Variants in GALNT18 observed in about 807,000 individuals in gnomAD.
GALNT18 encodes GalNAc-transferase 18.
GALNT18 carries 44 observed loss-of-function variants against 69.5 expected under a neutral mutation model. The ratio of observed to expected loss-of-function variants is 0.63; its 90% CI spans 0.50 to 0.81. The LOEUF is 0.81. Ranked by LOEUF, GALNT18 falls within the 40% of genes least tolerant of loss-of-function variation. The pLI, the probability that GALNT18 is intolerant of heterozygous loss-of-function variation, is 0.00. For missense variants in GALNT18, 715 were observed against 810.0 expected (o/e 0.88, Z 1.42); for synonymous variants, 364 against 318.2 (o/e 1.14, Z -1.53).
At position 11,522,095 on chromosome 11, in the gene GALNT18, T is replaced by TAGGAAGGA. The variant is rs759180837; in HGVS notation, c.236-73167_236-73160dup. ...GGGGCGGGATGACTTCTACCCACCC[T>TAGGAAGGA]AGGAAGGAAGGAAGGAAGGAAGGCC... On this transcript the variant is annotated intron_variant, in intron 1 of 10. Coordinates refer to ENST00000227756, the MANE Select transcript of GALNT18 (RefSeq NM_198516.3). Among the ~76,000 whole-genome samples, 16 of 152,114 alleles carry TAGGAAGGA rather than the reference T, an allele frequency of 1.1e-4. No homozygotes were observed. The East Asian group carries it at 1.9e-3, about 18-fold the overall frequency.
rs537197987 is a variant in GALNT18, at chr11:11,432,436, T to G, written c.595+185A>C. Among the ~76,000 whole-genome samples the G allele has an allele frequency of 2.8e-3, 432 of 152,260 alleles. 1 individual carries two copies. Among genetic ancestry groups the G allele is most frequent in the African/African-American group, 9.7e-3 (403 of 41,544 alleles). Reference sequence around the variant, plus strand: ...GCCTAAGGACCAGACCCCTCTGGGATGCAGAGGCCATGCTCAGACGGAGTG... The same window carrying G: ...GCCTAAGGACCAGACCCCTCTGGGAGGCAGAGGCCATGCTCAGACGGAGTG... On this transcript the variant is annotated intron_variant, in intron 3 of 10. Coordinates refer to ENST00000227756, the MANE Select transcript of GALNT18 (RefSeq NM_198516.3). The surrounding 1 kb of genome is among the most constrained non-coding windows in gnomAD (Gnocchi z 5.8).
intron 1 of GALNT18, among the ~76,000 whole-genome samples, chr11:11,462,944 C>T (rs1157525100): frequency 6.6e-6 from 1 of 152,166 alleles, no homozygotes; most frequent in Non-Finnish European, 1.5e-5. Context: ...AGAGCCTGAG[C>T]CCTGGGCACA....
At chr11:11,550,289 C>A (rs1021525825) in intron 1 of GALNT18, among the ~76,000 whole-genome samples, 1 of 152,206 alleles carries the variant, frequency 6.6e-6, no homozygotes, top group African/African-American at 2.4e-5. Context: ...GTTGCTAACA[C>A]CTCTTCCCCA....
chr11:11,326,198 C>A (rs1355573103), intron 9 of GALNT18, among the ~76,000 whole-genome samples: 1 of 152,028 alleles, frequency 6.6e-6, no homozygotes, highest in African/African-American at 2.4e-5. Context: ...GCGCCCGCCA[C>A]CACACCTGGC....
At chr11:11,612,145 C>A (rs1344716165) in intron 1 of GALNT18, among the ~76,000 whole-genome samples, 1 of 150,856 alleles carries the variant, frequency 6.6e-6, no homozygotes, top group Admixed American at 6.6e-5. Flanking sequence ...CTTGAACAAA[C>A]TCTAAGTCTT....
At chr11:11,280,015 T>TG (rs1564876987) in intron 10 of GALNT18, among the ~76,000 whole-genome samples, 1 of 151,900 alleles carries the variant, frequency 6.6e-6, no homozygotes, top group African/African-American at 2.4e-5. Context: ...ATGTGTGTGT[T>TG]GGGAGGGGAC....
chr11:11,345,523 T>C (rs1486071713), intron 6 of GALNT18, among the ~76,000 whole-genome samples: 2 of 151,798 alleles, frequency 1.3e-5, no homozygotes, highest in African/African-American at 4.8e-5. Context: ...CTGTGGAGGA[T>C]TGGGAGGGGC....
At chr11:11,381,949 C>T (rs558019254) in intron 3 of GALNT18, among the ~76,000 whole-genome samples, 24 of 152,240 alleles carry the variant, frequency 1.6e-4, no homozygotes, top group South Asian at 8.3e-4. Flanking sequence ...TGTTCTGGTC[C>T]GGTGCTGGGG....
chr11:11,364,304 T>G (rs982262447), intron 6 of GALNT18, among the ~76,000 whole-genome samples: 1 of 152,200 alleles, frequency 6.6e-6, no homozygotes, highest in African/African-American at 2.4e-5. Context: ...GCAATGATGG[T>G]TAGCATCACA....
Position 11,299,682 on chromosome 11 carries a change from G to A in GALNT18, c.1513-6489C>T, listed in dbSNP as rs183499966. ...GTTCATGGCTGAGAAGTATTCTATG[G>A]TATATATACCACATTTTCTTTACTC... On this transcript the variant is annotated intron_variant, in intron 9 of 10. Coordinates refer to ENST00000227756, the MANE Select transcript of GALNT18 (RefSeq NM_198516.3). 3.9e-5 allele frequency among the ~76,000 whole-genome samples: 6 copies of A among 152,258 alleles called. No homozygotes were observed. The East Asian group carries it at 1.2e-3, about 29-fold the overall frequency.
rs1849720839 is a variant in GALNT18, at chr11:11,314,636, G to C, written c.1512+12450C>G. ...AAAAGCAGGGTGGGAAGCTGGCTGG[G>C]TGCTCACCTCACCCAGAGAATGGGC... On this transcript the variant is annotated intron_variant, in intron 9 of 10. Coordinates refer to ENST00000227756, the MANE Select transcript of GALNT18 (RefSeq NM_198516.3). This position sits in a 1 kb window ranked among gnomAD's most constrained non-coding sequence, Gnocchi z 5.2. Among the ~76,000 whole-genome samples, 1 of 152,162 alleles carries C rather than the reference G, an allele frequency of 6.6e-6. No homozygotes were observed. The highest frequency in any genetic ancestry group is 1.5e-5 in the Non-Finnish European group (1 of 68,020).
chr11:11,522,095 TAGGAAGGAAGGA>T (rs759180837), intron 1 of GALNT18, among the ~76,000 whole-genome samples: 1 of 151,998 alleles, frequency 6.6e-6, no homozygotes, highest in Non-Finnish European at 1.5e-5. Flanking sequence ...CTACCCACCC[TAGGAAGGAAGGA>T]AGGAAGGAAG....
Position 11,603,169 on chromosome 11 carries a change from A to G in GALNT18, c.235+18190T>C, listed in dbSNP as rs1416639485. Among the ~76,000 whole-genome samples, 1 of 152,212 alleles carries G rather than the reference A, an allele frequency of 6.6e-6. No individual in the cohort carries two copies. Among genetic ancestry groups the G allele is most frequent in the Non-Finnish European group, 1.5e-5 (1 of 68,042 alleles). On this transcript the variant is annotated intron_variant, in intron 1 of 10. Transcript: ENST00000227756. This position sits in a 1 kb window ranked among gnomAD's most constrained non-coding sequence, Gnocchi z 4.5. ...CTTCTCCCAAGACAATTTATTTCTAATGAGAATTCAACATGGAGAAAACTG... is the reference window on the plus strand; with the variant it reads ...CTTCTCCCAAGACAATTTATTTCTAGTGAGAATTCAACATGGAGAAAACTG...
At chr11:11,308,328 C>T (rs1849612732) in intron 9 of GALNT18, among the ~76,000 whole-genome samples, 1 of 152,126 alleles carries the variant, frequency 6.6e-6, no homozygotes. Context: ...TCAATAAAGG[C>T]AATTCACTAA....
intron 3 of GALNT18, among the ~76,000 whole-genome samples, chr11:11,422,621 GTTT>G (rs374848510): frequency 7.0e-6 from 1 of 142,144 alleles, no homozygotes; most frequent in African/African-American, 2.6e-5. Context: ...TTTTTTTGTT[GTTT>G]TTTTTTTTTT....
At position 11,396,301 on chromosome 11, in the gene GALNT18, C is replaced by G. The variant is rs4910335; in HGVS notation, c.596-17037G>C. Among the ~76,000 whole-genome samples, 99,500 of 152,072 alleles carry G rather than the reference C, an allele frequency of 0.65. 34,115 individuals carry two copies. Among genetic ancestry groups the G allele is most frequent in the Non-Finnish European group, 0.76 (51,910 of 68,000 alleles). On this transcript the variant is annotated intron_variant, in intron 3 of 10. Transcript: ENST00000227756. The surrounding 1 kb of genome is among the most constrained non-coding windows in gnomAD (Gnocchi z 5.2). ...CGATTCTGGCCTGGGATCCACAAGA[C>G]ATGGATCAAGAAGGGCAACATTTCG...
At chr11:11,515,389 A>G (rs1208396615) in intron 1 of GALNT18, among the ~76,000 whole-genome samples, 5 of 152,154 alleles carry the variant, frequency 3.3e-5, no homozygotes, top group Admixed American at 2.0e-4. Context: ...GATACACCCT[A>G]GGTCACACAC....
intron 1 of GALNT18, among the ~76,000 whole-genome samples, chr11:11,502,850 T>C (rs141764373): frequency 7.2e-4 from 109 of 152,262 alleles, no homozygotes; most frequent in African/African-American, 2.5e-3. Context: ...GCTCCAGTCC[T>C]TAACGCTCTC....
At chr11:11,520,893 T>C (rs557947491) in intron 1 of GALNT18, among the ~76,000 whole-genome samples, 1 of 151,942 alleles carries the variant, frequency 6.6e-6, no homozygotes, top group East Asian at 1.9e-4. Flanking sequence ...TACACCAGCA[T>C]GTGGGGAAAC....
Sources: allele counts gnomAD v4.1 joint callset (sites outside exome capture counted in the v4.1 genomes callset), GRCh38; gene constraint gnomAD v4.1.1; non-coding constraint Gnocchi (gnomAD v3.1); transcripts MANE v1.5; gene names NCBI Gene and HGNC (gene_info 2026-07-23, HGNC 2026-07-21).